SMYD3: variants seen among roughly 807,000 people sequenced by gnomAD.
SMYD3 encodes the protein SET and MYND domain containing 3, also known as histone-lysine N-methyltransferase SMYD3.
SMYD3 carries 36 observed loss-of-function variants against 57.7 expected under a neutral mutation model. The observed-to-expected ratio is 0.62, with a 90% CI of 0.48 to 0.82. SMYD3 has a LOEUF of 0.82. Among genes scored for constraint, SMYD3 ranks in the 40% least tolerant of loss-of-function variants. SMYD3 has a pLI of 0.00. For missense variants in SMYD3, 515 were observed against 538.8 expected, an observed-to-expected ratio of 0.96 and a Z score of 0.44; for synonymous variants, 211 against 195.0, an observed-to-expected ratio of 1.08 and a Z score of -0.68.
At position 246,355,122 on chromosome 1, in the gene SMYD3, T is replaced by G. The variant is rs745554235; in HGVS notation, c.165-28A>C. ...GTGGGGAAAAAAATTAATTCTGCAT[T>G]AAGAAATGAGTGGGAAACATAGTAC... On this transcript the variant is annotated intron_variant, in intron 1 of 11. Coordinates refer to ENST00000490107, the MANE Select transcript of SMYD3 (RefSeq NM_001167740.2). This position sits in a 1 kb window ranked among gnomAD's most constrained non-coding sequence, Gnocchi z 5.0. 1 of 1,608,882 alleles carries G rather than the reference T, an allele frequency of 6.2e-7. No homozygotes were observed. Among genetic ancestry groups the G allele is most frequent in the East Asian group, 2.2e-5 (1 of 44,854 alleles).
intron 8 of SMYD3, among the ~76,000 whole-genome samples, chr1:245,901,045 A>C (rs993661633): frequency 6.6e-6 from 1 of 152,224 alleles, no homozygotes; most frequent in African/African-American, 2.4e-5. Context: ...GATCATGTTC[A>C]TGGACTCCTG....
intron 5 of SMYD3, among the ~76,000 whole-genome samples, chr1:246,243,700 A>G (rs2063655233): frequency 6.6e-6 from 1 of 151,962 alleles, no homozygotes; most frequent in African/African-American, 2.4e-5. Context: ...CCCATATATC[A>G]AATGTTTTGT....
chr1:246,141,163 T>C (rs2061748685), intron 5 of SMYD3, among the ~76,000 whole-genome samples: 1 of 152,204 alleles, frequency 6.6e-6, no homozygotes. Flanking sequence ...ACTAAATGTC[T>C]TAGGGTCACA....
chr1:246,124,225 C>A (rs921465864), intron 5 of SMYD3, among the ~76,000 whole-genome samples: 51 of 152,272 alleles, frequency 3.3e-4, no homozygotes, highest in African/African-American at 1.2e-3. Context: ...AGTATTGTCA[C>A]TAATTGGCTG....
intron 1 of SMYD3, among the ~76,000 whole-genome samples, chr1:246,382,410 A>C (rs2066403482): frequency 6.6e-6 from 1 of 151,982 alleles, no homozygotes; most frequent in African/African-American, 2.4e-5. Flanking sequence ...CCCAGGACCC[A>C]TGCCCACTCT....
chr1:246,330,015 A>G (rs2185006), intron 4 of SMYD3, among the ~76,000 whole-genome samples: 151,714 of 152,308 alleles, frequency 1, 75,562 homozygotes, highest in Middle Eastern at 1. Context: ...TGGTAGTTTC[A>G]GAGAAGAATG....
intron 1 of SMYD3, among the ~76,000 whole-genome samples, chr1:246,486,147 T>A (rs914523178): frequency 6.6e-6 from 1 of 152,240 alleles, no homozygotes; most frequent in Non-Finnish European, 1.5e-5. Flanking sequence ...TTTTAACTAA[T>A]CTTATAAGGT....
chr1:245,761,756 C>T (rs1487756560), intron 11 of SMYD3, among the ~76,000 whole-genome samples: 1 of 149,678 alleles, frequency 6.7e-6, no homozygotes, highest in African/African-American at 2.5e-5. Flanking sequence ...TGTCTATCTC[C>T]TCCATTAAAT....
intron 10 of SMYD3, among the ~76,000 whole-genome samples, chr1:245,771,276 G>A (rs953940162): frequency 3.3e-5 from 5 of 152,178 alleles, no homozygotes; most frequent in Admixed American, 3.3e-4. Context: ...GAAGAAGGAT[G>A]AGGGATAAGG....
At chr1:245,928,111 A>C (rs1316882055) in intron 6 of SMYD3, 78 bp from the exon 7 acceptor site, 4 of 1,140,104 alleles carry the variant, frequency 3.5e-6, no homozygotes, top group Non-Finnish European at 5.1e-6. Flanking sequence ...AGTGGGTAAA[A>C]TACACCTTCC....
intron 5 of SMYD3, among the ~76,000 whole-genome samples, chr1:246,048,054 AG>A (rs2060001435): frequency 6.6e-6 from 1 of 152,204 alleles, no homozygotes; most frequent in Non-Finnish European, 1.5e-5. Context: ...GATGTCACAA[AG>A]AACACCTATA....
At chr1:246,244,116 C>G (rs1406830540) in intron 5 of SMYD3, among the ~76,000 whole-genome samples, 1 of 151,832 alleles carries the variant, frequency 6.6e-6, no homozygotes, top group Non-Finnish European at 1.5e-5. Context: ...GAAACTGTCA[C>G]AAAGCAGTTT....
chr1:246,151,767 C>G (rs1484113633), intron 5 of SMYD3, among the ~76,000 whole-genome samples: 1 of 152,152 alleles, frequency 6.6e-6, no homozygotes, highest in Admixed American at 6.5e-5. Context: ...ATTTTCAGAG[C>G]CTAGCTGTGC....
chr1:246,051,035 GA>G (rs762570462), intron 5 of SMYD3, among the ~76,000 whole-genome samples: 3 of 151,748 alleles, frequency 2.0e-5, no homozygotes, highest in Non-Finnish European at 4.4e-5. Context: ...CAGAAAATAT[GA>G]AATTACGAAG....
chr1:246,348,282 G>A (rs1321754603), intron 2 of SMYD3, among the ~76,000 whole-genome samples: 1 of 151,624 alleles, frequency 6.6e-6, no homozygotes, highest in East Asian at 1.9e-4. Flanking sequence ...CAGACATGGT[G>A]GCAGGTGCCT....
intron 1 of SMYD3, chr1:246,426,148 T>A (rs2103003258): frequency 6.6e-6 from 1 of 152,300 alleles, no homozygotes; most frequent in South Asian, 2.1e-4. Context: ...TCATTATTGT[T>A]TACATTTATG....
chr1:246,047,333 C>T (rs1207470845), intron 5 of SMYD3, among the ~76,000 whole-genome samples: 1 of 152,110 alleles, frequency 6.6e-6, no homozygotes, highest in Non-Finnish European at 1.5e-5. Context: ...CCAGATAGCA[C>T]AGAAAAAAGC....
chr1:246,136,463 C>G (rs2061666999), intron 5 of SMYD3, among the ~76,000 whole-genome samples: 1 of 151,860 alleles, frequency 6.6e-6, no homozygotes, highest in Admixed American at 6.6e-5. Flanking sequence ...GTACTGGGCA[C>G]TTAAAGAAAA....
chr1:246,053,405 G>A (rs1408285422), intron 5 of SMYD3, among the ~76,000 whole-genome samples: 1 of 151,980 alleles, frequency 6.6e-6, no homozygotes, highest in African/African-American at 2.4e-5. Context: ...AAGTTAGAGG[G>A]CATACACTAC....
Sources: gnomAD v4.1 joint callset for allele counts (sites outside exome capture counted in the v4.1 genomes callset) on GRCh38, gnomAD v4.1.1 for gene constraint, Gnocchi (gnomAD v3.1) non-coding constraint, MANE v1.5 for transcripts, NCBI Gene and HGNC (gene_info 2026-07-23, HGNC 2026-07-21) for gene names.